The following IGSF3 variants were observed in gnomAD, a reference collection of about 807,000 sequenced individuals.
IGSF3 encodes glu-Trp-Ile EWI motif-containing protein 3.
A neutral mutation model predicts 114.4 loss-of-function variants in IGSF3; 23 were observed. That is an observed-to-expected ratio of 0.20 (90% CI 0.14 to 0.28). The LOEUF is 0.28. Ranked by LOEUF, IGSF3 falls within the 10% of genes least tolerant of loss-of-function variation. The pLI is 1.00. For missense variants in IGSF3, 1,172 were observed against 1,591.5 expected, an observed-to-expected ratio of 0.74 and a Z score of 4.48; for synonymous variants, 571 against 645.2, an observed-to-expected ratio of 0.88 and a Z score of 1.74.
In IGSF3 at chr1:116,608,117, A is replaced by G. The variant is rs1477271158; in HGVS notation, c.1047T>C (p.Leu349=). 4 of 1,613,774 alleles carry G rather than the reference A, an allele frequency of 2.5e-6. No homozygotes were observed. In the African/African-American group the frequency reaches 4.0e-5, roughly 16 times the overall value. Residue 349 remains leucine (L), a synonymous_variant, in exon 5 of 11, where the codon CTT becomes CTC. Coordinates refer to ENST00000369486, the MANE Select transcript of IGSF3 (RefSeq NM_001007237.3). ...EFAHREARGQ[L]KVAKESDSVF... Reference sequence around the variant, plus strand: ...CACTGTCGCTCTCTTTGGCCACCTTAAGCTGTCCCCTGGCTTCCCGGTGAG... The same window carrying G: ...CACTGTCGCTCTCTTTGGCCACCTTGAGCTGTCCCCTGGCTTCCCGGTGAG...
At chr1:116,606,687 T>G (rs958544673) in intron 5 of IGSF3, 1 of 611,802 alleles carries the variant, frequency 1.6e-6, no homozygotes, top group African/African-American at 1.9e-5. Flanking sequence ...CAATGAGGAA[T>G]TAGTTGCAGA....
chr1:116,617,883 G>A (rs1429689031), intron 2 of IGSF3, among the ~76,000 whole-genome samples: 1 of 152,296 alleles, frequency 6.6e-6, no homozygotes, highest in African/African-American at 2.4e-5. Flanking sequence ...CACCATCGCT[G>A]GGCTGCCCAC....
chr1:116,589,203 T>C lies in IGSF3; in HGVS notation c.2030-99A>G. On this transcript the variant is annotated intron_variant, in intron 7 of 10. Coordinates refer to ENST00000369486, the MANE Select transcript of IGSF3 (RefSeq NM_001007237.3). The surrounding 1 kb of genome is among the most constrained non-coding windows in gnomAD (Gnocchi z 5.7). ...GCCAGGTTTCCTCCAGCACAGTTCC[T>C]GGGGGATTTAACACCGACTGGCTTC... The C allele has an allele frequency of 9.1e-7, 1 of 1,093,574 alleles. No individual in the cohort carries two copies. The highest frequency in any genetic ancestry group is 1.6e-5 in the African/African-American group (1 of 63,768). 67.7% of individuals were successfully genotyped at this position (1,093,574 alleles called of 1,614,324 possible). A position where few individuals can be genotyped will look rare whatever the true frequency, so the allele number is the denominator to read the frequency against.
In IGSF3 at chr1:116,616,111, A is replaced by G. The variant is rs913477302; in HGVS notation, c.390T>C (p.Phe130=). 6.2e-7 allele frequency: 1 copy of G among 1,608,372 alleles called. No homozygotes were observed. The highest frequency in any genetic ancestry group is 2.2e-5 in the East Asian group (1 of 44,652). Residue 130 remains phenylalanine, a synonymous_variant, in exon 3 of 11, where the codon TTT becomes TTC. Transcript: ENST00000369486. The surrounding 1 kb of genome is among the most constrained non-coding windows in gnomAD (Gnocchi z 6.6). ...CHTPSTDKQY[F]GSYSAKMNLV... Reference sequence around the variant, plus strand: ...GGTTCATCTTTGCACTGTAACTCCCAAAGTATTGCTTATCAGTGCTGGGTG... The same window carrying G: ...GGTTCATCTTTGCACTGTAACTCCCGAAGTATTGCTTATCAGTGCTGGGTG...
At chr1:116,635,754 G>A (rs1647798172) in intron 2 of IGSF3, among the ~76,000 whole-genome samples, 2 of 152,212 alleles carry the variant, frequency 1.3e-5, no homozygotes, top group African/African-American at 2.4e-5. Context: ...TCTGGTCTCT[G>A]CCAAGGCAAA....
rs941317022 is a variant in IGSF3 at position 116,616,800 on chromosome 1, A to C, written c.44-343T>G. Among the ~76,000 whole-genome samples the C allele has an allele frequency of 7.2e-5, 11 of 152,234 alleles. No homozygotes were observed. Among genetic ancestry groups the C allele is most frequent in the Admixed American group, 1.3e-4 (2 of 15,280 alleles). Reference sequence around the variant, plus strand: ...TAATGCTGTGTATGAAGTTTTTAATAAAATGAGCAGGAAAAGTTGAATCCT... The same window carrying C: ...TAATGCTGTGTATGAAGTTTTTAATCAAATGAGCAGGAAAAGTTGAATCCT... On this transcript the variant is annotated intron_variant, in intron 2 of 10. Transcript: ENST00000369486. This position sits in a 1 kb window ranked among gnomAD's most constrained non-coding sequence, Gnocchi z 6.6.
chr1:116,595,044 C>T lies in IGSF3; in HGVS notation c.2029+4897G>A, dbSNP rs1660284877. ...CGTGACACACCCATCTCAGCAGCCT[C>T]ACCAGCATGGCAACCTGGCACTTAG... On this transcript the variant is annotated intron_variant, in intron 7 of 10. Transcript: ENST00000369486. This position sits in a 1 kb window ranked among gnomAD's most constrained non-coding sequence, Gnocchi z 4.2. Among the ~76,000 whole-genome samples the T allele has an allele frequency of 6.6e-6, 1 of 152,314 alleles. No individual in the cohort carries two copies. Among genetic ancestry groups the T allele is most frequent in the South Asian group, 2.1e-4 (1 of 4,826 alleles).
intron 7 of IGSF3, among the ~76,000 whole-genome samples, chr1:116,590,684 C>T (rs575986903): frequency 0.015 from 2,331 of 152,224 alleles, 33 homozygotes; most frequent in Non-Finnish European, 0.024. Flanking sequence ...CATCCAGACC[C>T]AGGACCCAGC....
In IGSF3 at chr1:116,579,820, G is replaced by A; in HGVS notation, c.2906C>T (p.Ala969Val). The change falls in exon 10 of 11, where the codon GCT becomes GTT. Residue 969 changes from alanine (A) to valine (V), a missense_variant. Ala to Val is a moderately conservative substitution (Grantham distance 64). Transcript: ENST00000369486. This position sits in a 1 kb window ranked among gnomAD's most constrained non-coding sequence, Gnocchi z 6.4. ...VPNATVSEKAAFQLDCSIVSR... is the reference protein window; with the variant it reads ...VPNATVSEKAVFQLDCSIVSR... Reference sequence around the variant, plus strand: ...CACGATGCTACAGTCCAGCTGGAAAGCTGCCTTCTCAGAGACCGTGGCATT... The same window carrying A: ...CACGATGCTACAGTCCAGCTGGAAAACTGCCTTCTCAGAGACCGTGGCATT... The A allele has an allele frequency of 2.5e-6, 4 of 1,613,532 alleles. No individual in the cohort carries two copies. Among genetic ancestry groups the A allele is most frequent in the Non-Finnish European group, 3.4e-6 (4 of 1,179,940 alleles).
chr1:116,586,729 A>C (rs1659861146), intron 8 of IGSF3, among the ~76,000 whole-genome samples: 2 of 152,110 alleles, frequency 1.3e-5, no homozygotes, highest in Non-Finnish European at 2.9e-5. Flanking sequence ...GAAAGGAAAA[A>C]ATGGTGATGA....
rs1318214477 is a variant in IGSF3, at chr1:116,600,761, A to T, written c.1625-416T>A. ...TTGCACAGGAGGAAAACACAACCAC[A>T]CAGCCCCAACACCACTTTTCCTGGT... On this transcript the variant is annotated intron_variant, in intron 6 of 10. Coordinates refer to ENST00000369486, the MANE Select transcript of IGSF3 (RefSeq NM_001007237.3). The surrounding 1 kb of genome is among the most constrained non-coding windows in gnomAD (Gnocchi z 5.5). 6.6e-6 allele frequency among the ~76,000 whole-genome samples: 1 copy of T among 152,126 alleles called. No individual in the cohort carries two copies. Among genetic ancestry groups the T allele is most frequent in the Non-Finnish European group, 1.5e-5 (1 of 68,012 alleles).
chr1:116,633,468 T>C lies in IGSF3; in HGVS notation c.44-17011A>G, dbSNP rs1229092214. 2.0e-5 allele frequency among the ~76,000 whole-genome samples: 3 copies of C among 152,300 alleles called. No homozygotes were observed. The highest frequency in any genetic ancestry group is 1.3e-4 in the Admixed American group (2 of 15,298). On this transcript the variant is annotated intron_variant, in intron 2 of 10. Transcript: ENST00000369486. The surrounding 1 kb of genome is among the most constrained non-coding windows in gnomAD (Gnocchi z 4.3). ...CACCTAGACAATCCTTAAAATCCCC[T>C]TTCAGCTCCAAGACTGTGTAATTCT...
rs1660341284 is a variant in IGSF3, at chr1:116,596,341, C to T, written c.2029+3600G>A. 6.6e-6 allele frequency among the ~76,000 whole-genome samples: 1 copy of T among 152,074 alleles called. No homozygotes were observed. The highest frequency in any genetic ancestry group is 2.4e-5 in the African/African-American group (1 of 41,400). The stretch of plus-strand genomic sequence containing the variant: ...CAGGGGACATTTCTATGGAAGACAC[C>T]AGAGCAGGGCTAAGAATCTATGTTT... On this transcript the variant is annotated intron_variant, in intron 7 of 10. Coordinates refer to ENST00000369486, the MANE Select transcript of IGSF3 (RefSeq NM_001007237.3). The surrounding 1 kb of genome is among the most constrained non-coding windows in gnomAD (Gnocchi z 4.1).
rs376244770 is a variant in IGSF3 at position 116,666,693 on chromosome 1, A to T, written c.-367T>A. ...AAATCCTTTCATCCACTGATTATAC[A>T]GAAATGTCCTTGGCTTCTCAGTGAA... is the stretch of plus-strand genomic sequence containing the variant. On this transcript the variant is annotated 5_prime_UTR_variant, in exon 2 of 11. Coordinates refer to ENST00000369486, the MANE Select transcript of IGSF3 (RefSeq NM_001007237.3). The T allele has an allele frequency of 1.5e-3, 796 of 530,830 alleles. 22 individuals are homozygous for T. The South Asian group carries it at 0.022, about 15-fold the overall frequency. 32.9% of individuals were successfully genotyped at this position (530,830 alleles called of 1,614,324 possible).
chr1:116,579,257 T>C lies in IGSF3; in HGVS notation c.3334+135A>G. 1.7e-6 allele frequency: 2 copies of C among 1,172,356 alleles called. No individual in the cohort carries two copies. The highest frequency in any genetic ancestry group is 2.4e-6 in the Non-Finnish European group (2 of 836,646). The allele number at this position is 1,172,356 out of a possible 1,614,324, so 72.6% of individuals were successfully genotyped here. On this transcript the variant is annotated intron_variant, in intron 10 of 10. Transcript: ENST00000369486. The surrounding 1 kb of genome is among the most constrained non-coding windows in gnomAD (Gnocchi z 6.4). ...TGAACTAATATGTCCAATCCCACCA[T>C]ATCTCAAATCCTACTAATAAATGCC...
Position 116,617,790 on chromosome 1 carries a change from A to T in IGSF3, c.44-1333T>A, listed in dbSNP as rs557892765. On this transcript the variant is annotated intron_variant, in intron 2 of 10. Transcript: ENST00000369486. Reference sequence around the variant, plus strand: ...GCTGGCTAAGACATATTTCTGCTGGAACATTCTGTGGCTCTGGATCCATAG... The same window carrying T: ...GCTGGCTAAGACATATTTCTGCTGGTACATTCTGTGGCTCTGGATCCATAG... Among the ~76,000 whole-genome samples, 7 of 152,334 alleles carry T rather than the reference A, an allele frequency of 4.6e-5. No homozygotes were observed. The South Asian group carries it at 1.4e-3, about 32-fold the overall frequency.
chr1:116,617,968 G>A (rs1406614680), intron 2 of IGSF3, among the ~76,000 whole-genome samples: 1 of 152,234 alleles, frequency 6.6e-6, no homozygotes, highest in Non-Finnish European at 1.5e-5. Flanking sequence ...GGCTGCCCCG[G>A]CTATGCCTAT....
chr1:116,577,725 T>C lies in IGSF3; in HGVS notation c.3335-163A>G, dbSNP rs768737551. On this transcript the variant is annotated intron_variant, in intron 10 of 10. Coordinates refer to ENST00000369486, the MANE Select transcript of IGSF3 (RefSeq NM_001007237.3). This position sits in a 1 kb window ranked among gnomAD's most constrained non-coding sequence, Gnocchi z 5.7. ...CATTAATGGTGGAAGATGACCCTTATATTCTTTTTCTCGCAACACCTCTCC... is the reference window on the plus strand; with the variant it reads ...CATTAATGGTGGAAGATGACCCTTACATTCTTTTTCTCGCAACACCTCTCC... Among the ~76,000 whole-genome samples the C allele has an allele frequency of 2.0e-5, 3 of 152,180 alleles. No homozygotes were observed. The highest frequency in any genetic ancestry group is 2.9e-5 in the Non-Finnish European group (2 of 68,028).
At position 116,589,048 on chromosome 1, in the gene IGSF3, G is replaced by C; in HGVS notation, c.2086C>G (p.Pro696Ala). The C allele has an allele frequency of 6.2e-7, 1 of 1,614,146 alleles. No homozygotes were observed. Among genetic ancestry groups the C allele is most frequent in the Non-Finnish European group, 8.5e-7 (1 of 1,179,990 alleles). ...KRTLTLVENKPIQLNCSVKSQ... is the reference protein window; with the variant it reads ...KRTLTLVENKAIQLNCSVKSQ... ...TTGACTGAGCAGTTCAACTGAATGG[G>C]CTTGTTTTCCACCAGGGTGAGGGTC... Residue 696 changes from proline (P) to alanine (A), a missense_variant, in exon 8 of 11, where the codon CCC becomes GCC. Pro to Ala is a conservative substitution (Grantham distance 27, BLOSUM62 -1). Coordinates refer to ENST00000369486, the MANE Select transcript of IGSF3 (RefSeq NM_001007237.3). The surrounding 1 kb of genome is among the most constrained non-coding windows in gnomAD (Gnocchi z 5.7).
Sources: allele counts gnomAD v4.1 joint callset (sites outside exome capture counted in the v4.1 genomes callset), GRCh38; gene constraint gnomAD v4.1.1; non-coding constraint Gnocchi (gnomAD v3.1); transcripts MANE v1.5; gene names NCBI Gene and HGNC (gene_info 2026-07-23, HGNC 2026-07-21).